Variants in TSHZ3 observed in about 807,000 individuals in gnomAD.
The protein encoded by TSHZ3 is teashirt homolog 3.
In TSHZ3, 10 loss-of-function variants were observed where a neutral mutation model predicts 64.5. The observed-to-expected ratio is 0.16, with a 90% CI of 0.10 to 0.26. The LOEUF is 0.26. Ranked by LOEUF, TSHZ3 falls within the 10% of genes least tolerant of loss-of-function variation. The pLI is 1.00. For missense variants in TSHZ3, 1,242 were observed against 1,421.7 expected, an observed-to-expected ratio of 0.87 and a Z score of 2.03; for synonymous variants, 608 against 593.1, an observed-to-expected ratio of 1.03 and a Z score of -0.36.
intron 1 of TSHZ3, among the ~76,000 whole-genome samples, chr19:31,251,773 T>A (rs1314123084): frequency 6.6e-6 from 1 of 152,108 alleles, no homozygotes; most frequent in East Asian, 1.9e-4. Flanking sequence ...CTGCTCTCAT[T>A]CCTGCCTGGG....
At chr19:31,344,621 C>T (rs1433215731) in intron 1 of TSHZ3, among the ~76,000 whole-genome samples, 4 of 152,194 alleles carry the variant, frequency 2.6e-5, no homozygotes, top group Non-Finnish European at 4.4e-5. Context: ...GCAGCCCTGG[C>T]CCCAGCCTGA....
At chr19:31,290,767 A>C (rs1976551051) in intron 1 of TSHZ3, among the ~76,000 whole-genome samples, 1 of 152,058 alleles carries the variant, frequency 6.6e-6, no homozygotes, top group Non-Finnish European at 1.5e-5. Context: ...CCCAAGGGCC[A>C]GAGGATCCAG....
At chr19:31,171,214 G>T (rs1974530384) in intron 5 of TSHZ3, among the ~76,000 whole-genome samples, 1 of 152,066 alleles carries the variant, frequency 6.6e-6, no homozygotes, top group Non-Finnish European at 1.5e-5. Context: ...CTATTTGTTT[G>T]CCATTGTCCT....
chr19:31,150,814 G>A (rs1974228740), exon 7 of TSHZ3, among the ~76,000 whole-genome samples: 1 of 152,160 alleles, frequency 6.6e-6, no homozygotes, highest in Non-Finnish European at 1.5e-5. Context: ...GGGCCACCAT[G>A]GTGTGGTCTG....
At chr19:31,297,805 G>A (rs886924777) in intron 1 of TSHZ3, among the ~76,000 whole-genome samples, 1 of 152,108 alleles carries the variant, frequency 6.6e-6, no homozygotes, top group African/African-American at 2.4e-5. Context: ...ACACAGGCTT[G>A]GAGAGGACAC....
chr19:31,276,836 C>T lies in TSHZ3; in HGVS notation c.2957G>A (p.Arg986Lys). ...GTGACTGATGTACGTGGAAGGAGTC[C>T]TGATTTGGGACGCACAATCGTTACA... ...FFCNDCASQI[R>K]TPSTYISHLE... Residue 986 changes from arginine (R) to lysine (K), a missense_variant, in exon 2 of 2, where the codon AGG (arginine) becomes AAG (lysine). Physicochemically the swap from Arg to Lys is conservative, Grantham distance 26. Transcript: ENST00000240587. 6.2e-7 allele frequency: 1 copy of T among 1,614,208 alleles called. No individual in the cohort carries two copies. Among genetic ancestry groups the T allele is most frequent in the Non-Finnish European group, 8.5e-7 (1 of 1,180,036 alleles).
chr19:31,202,513 A>G (rs1239465592), intron 5 of TSHZ3, among the ~76,000 whole-genome samples: 1 of 152,192 alleles, frequency 6.6e-6, no homozygotes, highest in East Asian at 1.9e-4. Context: ...TTTAAATGCC[A>G]AGTAATACTC....
chr19:31,186,423 T>C (rs948223304), intron 5 of TSHZ3, among the ~76,000 whole-genome samples: 9 of 152,162 alleles, frequency 5.9e-5, no homozygotes. Context: ...TATAAGAGGC[T>C]TTTCCCCCTT....
intron 1 of TSHZ3, among the ~76,000 whole-genome samples, chr19:31,292,008 C>T (rs539328947): frequency 2.0e-4 from 31 of 152,280 alleles, no homozygotes; most frequent in East Asian, 9.7e-4. Flanking sequence ...CTGTGGGTGC[C>T]GTATTCCCAT....
chr19:31,344,029 A>C (rs1917512928), intron 1 of TSHZ3, among the ~76,000 whole-genome samples: 1 of 152,210 alleles, frequency 6.6e-6, no homozygotes, highest in Non-Finnish European at 1.5e-5. Flanking sequence ...TTTAAAAATG[A>C]CTGCCTGTCT....
Position 31,277,293 on chromosome 19 carries a change from T to C in TSHZ3, c.2500A>G (p.Met834Val), listed in dbSNP as rs1284752567. 1.2e-6 allele frequency: 2 copies of C among 1,613,778 alleles called. No individual in the cohort carries two copies. Among genetic ancestry groups the C allele is most frequent in the South Asian group, 2.2e-5 (2 of 91,078 alleles). The change falls in exon 2 of 2, where the codon ATG becomes GTG. Residue 834 changes from methionine to valine, a missense_variant. By Grantham distance (21) the Met-to-Val change is conservative. Coordinates refer to ENST00000240587, the MANE Select transcript of TSHZ3 (RefSeq NM_020856.4). This position sits in a 1 kb window ranked among gnomAD's most constrained non-coding sequence, Gnocchi z 4.5. ...TTCTCGCGTAGCGGCGAGTTTGACA[T>C]GAATGATACGACGGCAGATGTCTTT... ...TAKTSAVVSF[M>V]SNSPLRENAL...
chr19:31,215,391 C>T (rs1175665849), intron 4 of TSHZ3, among the ~76,000 whole-genome samples: 2 of 152,018 alleles, frequency 1.3e-5, no homozygotes, highest in Admixed American at 6.5e-5. Flanking sequence ...AAACAAGAAA[C>T]ATCAAAGAAC....
At chr19:31,159,835 G>T (rs541276458) in intron 5 of TSHZ3, among the ~76,000 whole-genome samples, 3 of 152,058 alleles carry the variant, frequency 2.0e-5, no homozygotes, top group South Asian at 2.1e-4. Context: ...TGAGACTATA[G>T]CTGCATGCCA....
rs1336297035 is a variant in TSHZ3 at position 31,333,149 on chromosome 19, T to TC, written c.40+16030_40+16031insG. ...ATAAATAAATAAATAAATAAATAAA[T>TC]AAATCCAGGGGTGAAGGCCACACTC... On this transcript the variant is annotated intron_variant, in intron 1 of 1. Transcript: ENST00000240587. 2.2e-3 allele frequency among the ~76,000 whole-genome samples: 306 copies of TC among 140,870 alleles called. 2 individuals carry two copies. The highest frequency in any genetic ancestry group is 5.6e-3 in the African/African-American group (222 of 39,296). 92.4% of individuals were successfully genotyped at this position (140,870 alleles called of 152,430 possible). A position where few individuals can be genotyped will look rare whatever the true frequency, so the allele number is the denominator to read the frequency against.
intron 1 of TSHZ3, among the ~76,000 whole-genome samples, chr19:31,348,535 G>T (rs558688800): frequency 8.9e-4 from 135 of 151,480 alleles, no homozygotes; most frequent in African/African-American, 3.2e-3. Flanking sequence ...GCTATGCGGA[G>T]ATGAGGGTGG....
chr19:31,288,618 C>T (rs1976508551), intron 1 of TSHZ3, among the ~76,000 whole-genome samples: 1 of 152,180 alleles, frequency 6.6e-6, no homozygotes, highest in South Asian at 2.1e-4. Context: ...TCATGGCTCA[C>T]TGCAGCCTCT....
chr19:31,316,858 G>C (rs1339396024), intron 1 of TSHZ3, among the ~76,000 whole-genome samples: 1 of 152,134 alleles, frequency 6.6e-6, no homozygotes, highest in African/African-American at 2.4e-5. Flanking sequence ...TCACTGAACA[G>C]TCTTTCTAGT....
chr19:31,326,975 G>A (rs558683799), intron 1 of TSHZ3, among the ~76,000 whole-genome samples: 13 of 152,254 alleles, frequency 8.5e-5, no homozygotes, highest in African/African-American at 3.1e-4. Context: ...TGTGAGGAAC[G>A]CCAGAGAAGG....
intron 1 of TSHZ3, among the ~76,000 whole-genome samples, chr19:31,265,397 C>CAAAAAAAAAAAAAAAAAAA (rs11432951): frequency 1.2e-4 from 4 of 34,260 alleles, no homozygotes; most frequent in East Asian, 1.3e-3. Flanking sequence ...AACTCTGTCT[C>CAAAAAAAAAAAAAAAAAAA]AAAAAAAAAA....
Sources: gnomAD v4.1 joint callset for allele counts (sites outside exome capture counted in the v4.1 genomes callset) on GRCh38, gnomAD v4.1.1 for gene constraint, Gnocchi (gnomAD v3.1) non-coding constraint, MANE v1.5 for transcripts, NCBI Gene and HGNC (gene_info 2026-07-23, HGNC 2026-07-21) for gene names.